The following LNPEP variants were observed in gnomAD, a reference collection of about 807,000 sequenced individuals.
LNPEP encodes the protein leucyl-cystinyl aminopeptidase.
In LNPEP, 64 loss-of-function variants were observed where a neutral mutation model predicts 120.6. That is an observed-to-expected ratio of 0.53 (90% CI 0.43 to 0.65). LNPEP has a LOEUF of 0.65. LNPEP is among the 30% of genes least tolerant of loss of function. LNPEP has a pLI of 0.00. For synonymous variants in LNPEP, 435 were observed against 425.4 expected, an observed-to-expected ratio of 1.02 and a Z score of -0.28; for missense variants, 1,057 against 1,200.0, an observed-to-expected ratio of 0.88 and a Z score of 1.76.
In LNPEP at chr5:97,036,985, T is replaced by TG. The variant is rs1484307272; in HGVS notation, c.*8453dup. On this transcript the variant is annotated 3_prime_UTR_variant, in exon 18 of 18. Coordinates refer to ENST00000231368, the MANE Select transcript of LNPEP (RefSeq NM_005575.3). ...AAGGTCATGGCTTAGCTGAAGGAAA[T>TG]GCTCCAGAAATTGGACTGTGTAAAC... The TG allele has an allele frequency of 6.6e-6, 1 of 152,152 alleles. No homozygotes were observed. Among genetic ancestry groups the TG allele is most frequent in the Admixed American group, 6.6e-5 (1 of 15,248 alleles). The allele number at this position is 152,152 out of a possible 1,614,324, so 9.4% of individuals were successfully genotyped here.
intron 1 of LNPEP, among the ~76,000 whole-genome samples, chr5:96,976,161 T>C (rs1789988479): frequency 6.6e-6 from 1 of 152,138 alleles, no homozygotes; most frequent in Non-Finnish European, 1.5e-5. Context: ...AGGCTTGAAG[T>C]ACCTTCATGT....
rs781310934 is a variant in LNPEP at position 97,006,486 on chromosome 5, A to T, written c.2006A>T (p.Gln669Leu). The T allele has an allele frequency of 2.7e-5, 42 of 1,563,680 alleles. 1 individual carries two copies. In the East Asian group the frequency reaches 2.7e-4, roughly 10 times the overall value. ...VTEGRNYSKY[Q>L]SVSLLDKKSG... Reference sequence around the variant, plus strand: ...GAAGGAAGAAATTATTCAAAATATCAATCGGTATCATTACTGGATAAGAAA... The same window carrying T: ...GAAGGAAGAAATTATTCAAAATATCTATCGGTATCATTACTGGATAAGAAA... The change falls in exon 11 of 18, where the codon CAA becomes CTA. Residue 669 changes from glutamine (Q) to leucine (L), a missense_variant. By Grantham distance (113) the Gln-to-Leu change is moderately radical (BLOSUM62 -2). Transcript: ENST00000231368.
chr5:96,999,340 C>T (rs919432382), intron 8 of LNPEP, among the ~76,000 whole-genome samples: 1 of 152,082 alleles, frequency 6.6e-6, no homozygotes, highest in African/African-American at 2.4e-5. Flanking sequence ...ATAAAAAATA[C>T]TGGGCAGGGA....
At chr5:96,945,175 T>C (rs1441876767) in intron 1 of LNPEP, among the ~76,000 whole-genome samples, 6 of 151,966 alleles carry the variant, frequency 3.9e-5, no homozygotes, top group Admixed American at 6.6e-5. Flanking sequence ...GGCAGGAAGA[T>C]TGCTTGAGGC....
At chr5:96,983,879 C>G (rs543652053) in intron 2 of LNPEP, among the ~76,000 whole-genome samples, 1 of 152,142 alleles carries the variant, frequency 6.6e-6, no homozygotes, top group African/African-American at 2.4e-5. Flanking sequence ...TTTTTTCAAT[C>G]TTCATGAAAA....
chr5:97,010,437 C>T, intron 11 of LNPEP: 16 of 984,674 alleles, frequency 1.6e-5, no homozygotes, highest in Non-Finnish European at 1.9e-5. Context: ...CCTTTTTTTC[C>T]CCTAATAAAG....
intron 1 of LNPEP, among the ~76,000 whole-genome samples, chr5:96,957,826 T>C (rs1490013914): frequency 6.6e-6 from 1 of 152,232 alleles, no homozygotes; most frequent in Non-Finnish European, 1.5e-5. Flanking sequence ...TGAGGTTAAT[T>C]TGTTATAGCA....
At position 97,024,398 on chromosome 5, in the gene LNPEP, T is replaced by C. The variant is rs1462288277; in HGVS notation, c.2562-123T>C. On this transcript the variant is annotated intron_variant, in intron 14 of 17. Coordinates refer to ENST00000231368, the MANE Select transcript of LNPEP (RefSeq NM_005575.3). ...AATTAAACTTTTTCTCAACCCTAAA[T>C]TGTGTACTCAAACTTGTTATTATTA... 9 of 837,772 alleles carry C rather than the reference T, an allele frequency of 1.1e-5. No homozygotes were observed. In the African/African-American group the frequency reaches 1.2e-4, roughly 11 times the overall value. The allele number at this position is 837,772 out of a possible 1,614,324, so 51.9% of individuals were successfully genotyped here.
intron 11 of LNPEP, among the ~76,000 whole-genome samples, chr5:97,009,419 G>T (rs1790872220): frequency 6.6e-6 from 1 of 152,076 alleles, no homozygotes; most frequent in African/African-American, 2.4e-5. Context: ...ATCACTTTTA[G>T]CACTTAGTAG....
chr5:96,966,508 T>TTTTGTGTGTGTG (rs1284828792), intron 1 of LNPEP, among the ~76,000 whole-genome samples: 1 of 133,368 alleles, frequency 7.5e-6, no homozygotes, highest in African/African-American at 2.8e-5. Context: ...TTACATATAT[T>TTTTGTGTGTGTG]TGTGTGTGTG....
At chr5:96,953,438 G>A (rs963466343) in intron 1 of LNPEP, among the ~76,000 whole-genome samples, 1 of 152,078 alleles carries the variant, frequency 6.6e-6, no homozygotes, top group Non-Finnish European at 1.5e-5. Context: ...TTAAAACTGA[G>A]TTACTAATTC....
Position 96,979,730 on chromosome 5 carries a change from A to G in LNPEP, c.612A>G (p.Thr204=), listed in dbSNP as rs1373556101. ...VTISVQALQV[T]WNIILHSTGH... ...TTTCAGTTCAGGCTCTTCAGGTCAC[A>G]TGGAATATCATTCTTCATAGCACAG... Residue 204 remains threonine (T), a synonymous_variant, in exon 2 of 18, where the codon ACA becomes ACG. Coordinates refer to ENST00000231368, the MANE Select transcript of LNPEP (RefSeq NM_005575.3). 2.5e-6 allele frequency: 4 copies of G among 1,614,080 alleles called. No individual in the cohort carries two copies. Among genetic ancestry groups the G allele is most frequent in the East Asian group, 2.2e-5 (1 of 44,878 alleles).
Position 96,980,269 on chromosome 5 carries a change from T to C in LNPEP, c.860+291T>C, listed in dbSNP as rs571130318. On this transcript the variant is annotated intron_variant, in intron 2 of 17. Transcript: ENST00000231368. Reference sequence around the variant, plus strand: ...TTCACATTTTTAAGGTGAATCTAGTTTTCTGTCACCTCATGAAGTCTGTTG... The same window carrying C: ...TTCACATTTTTAAGGTGAATCTAGTCTTCTGTCACCTCATGAAGTCTGTTG... Among the ~76,000 whole-genome samples, 12 of 152,242 alleles carry C rather than the reference T, an allele frequency of 7.9e-5. No individual in the cohort carries two copies. The South Asian group carries it at 2.5e-3, about 32-fold the overall frequency.
In LNPEP at chr5:96,979,636, T is replaced by G; in HGVS notation, c.518T>G (p.Val173Gly). The G allele has an allele frequency of 6.2e-7, 1 of 1,614,132 alleles. No individual in the cohort carries two copies. Among genetic ancestry groups the G allele is most frequent in the Non-Finnish European group, 8.5e-7 (1 of 1,179,990 alleles). The change falls in exon 2 of 18, where the codon GTG (valine) becomes GGG (glycine). Residue 173 changes from valine (V) to glycine (G), a missense_variant. By Grantham distance (109) the Val-to-Gly change is moderately radical. Coordinates refer to ENST00000231368, the MANE Select transcript of LNPEP (RefSeq NM_005575.3). ...WAQIRLPTAV[V>G]PLRYELSLHP... ...CAGATCAGGCTTCCCACTGCCGTTG[T>G]GCCACTACGCTATGAACTCAGCCTA...
chr5:97,010,892 C>G (rs1790909029), intron 11 of LNPEP: 2 of 985,236 alleles, frequency 2.0e-6, no homozygotes, highest in African/African-American at 3.5e-5. Flanking sequence ...CTGGATCATT[C>G]AGAAGAACTG....
At chr5:96,990,869 T>C (rs1369005544) in intron 4 of LNPEP, among the ~76,000 whole-genome samples, 1 of 152,248 alleles carries the variant, frequency 6.6e-6, no homozygotes, top group African/African-American at 2.4e-5. Context: ...AAAGACAATA[T>C]GGTTGAAACC....
chr5:96,975,134 G>T (rs952621668), intron 1 of LNPEP, among the ~76,000 whole-genome samples: 8 of 152,082 alleles, frequency 5.3e-5, no homozygotes, highest in African/African-American at 1.7e-4. Context: ...GGCTAAGAAA[G>T]GTAACCTGTT....
intron 1 of LNPEP, among the ~76,000 whole-genome samples, chr5:96,954,289 G>A (rs1482132647): frequency 6.6e-6 from 1 of 152,120 alleles, no homozygotes; most frequent in Non-Finnish European, 1.5e-5. Flanking sequence ...TAATATGAAA[G>A]TAGATGATAT....
Position 97,032,633 on chromosome 5 carries a change from T to C in LNPEP, c.*4100T>C, listed in dbSNP as rs1216283897. On this transcript the variant is annotated 3_prime_UTR_variant, in exon 18 of 18. Coordinates refer to ENST00000231368, the MANE Select transcript of LNPEP (RefSeq NM_005575.3). ...CTACAGACTAGTTATTTGGTTTCCT[T>C]CTTTGGAAGAAGGTGGTGATGTTGA... The C allele has an allele frequency of 6.6e-6, 1 of 152,254 alleles. No homozygotes were observed. Among genetic ancestry groups the C allele is most frequent in the African/African-American group, 2.4e-5 (1 of 41,466 alleles). 9.4% of individuals were successfully genotyped at this position (152,254 alleles called of 1,614,324 possible). A position where few individuals can be genotyped will look rare whatever the true frequency, so the allele number is the denominator to read the frequency against.
Sources: gnomAD v4.1 joint callset for allele counts (sites outside exome capture counted in the v4.1 genomes callset) on GRCh38, gnomAD v4.1.1 for gene constraint, MANE v1.5 for transcripts, NCBI Gene and HGNC (gene_info 2026-07-23, HGNC 2026-07-21) for gene names.